Variants in CRYBA4 observed in about 807,000 individuals in gnomAD.
CRYBA4 encodes beta-crystallin A4.
In CRYBA4, 30 loss-of-function variants were observed where a neutral mutation model predicts 31.7. The ratio of observed to expected loss-of-function variants is 0.95; its 90% CI spans 0.71 to 1.28. CRYBA4 has a LOEUF of 1.28. Among genes scored for constraint, CRYBA4 ranks in the 50% most tolerant of loss-of-function variants. CRYBA4 has a pLI of 0.00. For missense variants in CRYBA4, 225 were observed against 260.7 expected (o/e 0.86, Z 0.94); for synonymous variants, 102 against 102.3 (o/e 1.00, Z 0.02).
chr22:26,608,241 T>C, the CRYBA4 span, among the ~76,000 whole-genome samples: 1 of 152,318 alleles, frequency 6.6e-6, no homozygotes, highest in South Asian at 2.1e-4. Flanking sequence ...TTGTTTCTCA[T>C]CTACACTCAT....
At chr22:26,619,150 G>A (rs114718078), upstream of CRYBA4, among the ~76,000 whole-genome samples, 370 of 152,300 alleles carry the variant, frequency 2.4e-3, 2 homozygotes, top group African/African-American at 8.5e-3. Context: ...GGTAGGGTAC[G>A]GAGGAGATAG....
chr22:26,626,548 G>A (rs1024044413), intron 4 of CRYBA4, among the ~76,000 whole-genome samples: 3 of 152,154 alleles, frequency 2.0e-5, no homozygotes, highest in East Asian at 3.8e-4. Flanking sequence ...TCCTGCTATG[G>A]TCAGGGTTGA....
the CRYBA4 span, chr22:26,607,758 C>T: frequency 5.3e-5 from 66 of 1,250,726 alleles, no homozygotes; most frequent in Non-Finnish European, 6.9e-5. Flanking sequence ...ATCCACGGTC[C>T]TTTGACAACT....
the CRYBA4 span, among the ~76,000 whole-genome samples, chr22:26,604,220 G>A: frequency 2.0e-5 from 3 of 152,228 alleles, no homozygotes; most frequent in Non-Finnish European, 2.9e-5. Flanking sequence ...ACTCCCAGCT[G>A]TGTGGCCTTA....
chr22:26,622,727 T>C, intron 2 of CRYBA4, 92 bp downstream of exon 2: 1 of 956,426 alleles, frequency 1.0e-6, no homozygotes, highest in Non-Finnish European at 1.7e-6. Flanking sequence ...TAAATGCCTA[T>C]TTCACAGAGG....
intron 4 of CRYBA4, among the ~76,000 whole-genome samples, chr22:26,627,866 T>C (rs1243090352): frequency 4.6e-5 from 7 of 152,128 alleles, no homozygotes; most frequent in Non-Finnish European, 8.8e-5. Flanking sequence ...CGGGCTGGTC[T>C]TGAACTCCTG....
At chr22:26,620,618 G>T (rs6005093), upstream of CRYBA4, among the ~76,000 whole-genome samples, 1 of 135,874 alleles carries the variant, frequency 7.4e-6, no homozygotes, top group Non-Finnish European at 1.5e-5. Context: ...AGGGTCAAGA[G>T]AAATGGCATG....
chr22:26,630,286 G>T, intron 5 of CRYBA4, 54 bp from the exon 6 acceptor site: 2 of 1,611,124 alleles, frequency 1.2e-6, no homozygotes, highest in South Asian at 2.2e-5. Flanking sequence ...CCCCTGTGTT[G>T]ATCACCATGC....
chr22:26,602,073 G>C, the CRYBA4 span: 1 of 1,607,860 alleles, frequency 6.2e-7, no homozygotes, highest in East Asian at 2.2e-5. Context: ...GGGACAAAGA[G>C]AAGAAACTTA....
chr22:26,612,038 C>A, the CRYBA4 span: 1 of 1,470,742 alleles, frequency 6.8e-7, no homozygotes. Context: ...TTTACTGTGG[C>A]AGAGAGTGTG....
chr22:26,591,695 C>T, the CRYBA4 span, among the ~76,000 whole-genome samples: 12 of 148,596 alleles, frequency 8.1e-5, no homozygotes, highest in South Asian at 6.4e-4. Context: ...GAGCCAAGAT[C>T]GCACCACTGC....
At chr22:26,617,786 C>A (rs1457469915), upstream of CRYBA4, among the ~76,000 whole-genome samples, 2 of 151,976 alleles carry the variant, frequency 1.3e-5, no homozygotes, top group Non-Finnish European at 2.9e-5. Context: ...ACTTCTCTCT[C>A]TATTTCTGTC....
At chr22:26,621,781 G>A (rs1173017248), upstream of CRYBA4, among the ~76,000 whole-genome samples, 2 of 152,184 alleles carry the variant, frequency 1.3e-5, no homozygotes, top group Non-Finnish European at 2.9e-5. Flanking sequence ...TGATCCCTGG[G>A]GGTGGTGATC....
At chr22:26,617,711 C>T (rs1462088964), upstream of CRYBA4, among the ~76,000 whole-genome samples, 2 of 151,986 alleles carry the variant, frequency 1.3e-5, no homozygotes, top group African/African-American at 2.4e-5. Flanking sequence ...GTTCCTCTCT[C>T]CCCCACTATC....
the CRYBA4 span, among the ~76,000 whole-genome samples, chr22:26,603,174 T>C: frequency 3.4e-4 from 51 of 151,628 alleles, no homozygotes; most frequent in African/African-American, 1.2e-3. Flanking sequence ...CTGACATTTA[T>C]GCACTGGTGA....
the CRYBA4 span, among the ~76,000 whole-genome samples, chr22:26,612,530 T>C: frequency 2.0e-5 from 3 of 152,134 alleles, no homozygotes; most frequent in Admixed American, 2.0e-4. Context: ...CCTGGCTATT[T>C]TTTGTAGAGA....
At chr22:26,615,341 T>C in the CRYBA4 span, among the ~76,000 whole-genome samples, 3 of 152,148 alleles carry the variant, frequency 2.0e-5, no homozygotes, top group Non-Finnish European at 4.4e-5. Context: ...GCTGGTTCCC[T>C]GCTGCTAAGC....
chr22:26,623,360 TA>T lies in CRYBA4; in HGVS notation c.158+9del. On this transcript the variant is annotated intron_variant, in intron 3 of 5. Coordinates refer to ENST00000354760, the MANE Select transcript of CRYBA4 (RefSeq NM_001886.3). Reference sequence around the variant, plus strand: ...GAAAGTGCTGAGTGGAGCGTGAGTCTAGGGGGACACTGAGTTGGGGTAGAGG... The same window carrying T: ...GAAAGTGCTGAGTGGAGCGTGAGTCTGGGGGACACTGAGTTGGGGTAGAGG... 6.2e-7 allele frequency: 1 copy of T among 1,606,572 alleles called. No individual in the cohort carries two copies. The highest frequency in any genetic ancestry group is 8.5e-7 in the Non-Finnish European group (1 of 1,173,154).
chr22:26,620,429 C>G (rs1026170274), upstream of CRYBA4, among the ~76,000 whole-genome samples: 1 of 151,924 alleles, frequency 6.6e-6, no homozygotes, highest in South Asian at 2.1e-4. Context: ...GCTCAGAGTG[C>G]GTAAGTAACA....
Sources: allele counts gnomAD v4.1 joint callset (sites outside exome capture counted in the v4.1 genomes callset), GRCh38; gene constraint gnomAD v4.1.1; transcripts MANE v1.5; gene names NCBI Gene and HGNC (gene_info 2026-07-23, HGNC 2026-07-21).